TRPM7: variants seen among roughly 807,000 people sequenced by gnomAD.
TRPM7 encodes LTRPC ion channel family member 7.
Under a neutral mutation model 229.7 loss-of-function variants are expected in TRPM7, and 134 were observed. The observed-to-expected ratio is 0.58, with a 90% CI of 0.51 to 0.67. The LOEUF (loss-of-function observed/expected upper bound fraction) is 0.67, where lower values mean the gene tolerates loss of function less well. Among genes scored for constraint, TRPM7 ranks in the 30% least tolerant of loss-of-function variants. The probability of loss-of-function intolerance (pLI) is 0.00; values close to 1 mark genes in which losing one functional copy is unlikely to be tolerated. For synonymous variants in TRPM7, 699 were observed against 715.2 expected, an observed-to-expected ratio of 0.98 and a Z score of 0.36; for missense variants, 1,901 against 2,210.0, an observed-to-expected ratio of 0.86 and a Z score of 2.80.
At chr15:50,655,068 A>G (rs1022955587) in intron 3 of TRPM7, among the ~76,000 whole-genome samples, 21 of 95,070 alleles carry the variant, frequency 2.2e-4, no homozygotes, top group African/African-American at 6.9e-4. Flanking sequence ...GAATGTAGAA[A>G]TAAGAGTGAA....
intron 11 of TRPM7, among the ~76,000 whole-genome samples, chr15:50,626,155 CTTA>C (rs1053523768): frequency 6.6e-6 from 1 of 152,044 alleles, no homozygotes; most frequent in East Asian, 1.9e-4. Context: ...AGGCATCTGA[CTTA>C]TTATGTGTTT....
chr15:50,636,191 T>C (rs1202835371), intron 7 of TRPM7, among the ~76,000 whole-genome samples: 1 of 150,662 alleles, frequency 6.6e-6, no homozygotes, highest in East Asian at 1.9e-4. Context: ...TTCTTAACTT[T>C]TTTTTTTTTT....
chr15:50,573,313 C>A (rs2053977841), intron 36 of TRPM7, among the ~76,000 whole-genome samples: 1 of 152,186 alleles, frequency 6.6e-6, no homozygotes, highest in African/African-American at 2.4e-5. Flanking sequence ...AAGAAGCCAG[C>A]TGCTATGTAA....
intron 1 of TRPM7, among the ~76,000 whole-genome samples, chr15:50,671,574 G>A (rs1288220235): frequency 6.6e-6 from 1 of 152,088 alleles, no homozygotes; most frequent in Non-Finnish European, 1.5e-5. Context: ...CGTGGGAGGA[G>A]GAGATGAGAG....
At chr15:50,643,304 A>G in intron 5 of TRPM7, 36 bp downstream of exon 5, 1 of 1,570,998 alleles carries the variant, frequency 6.4e-7, no homozygotes, top group South Asian at 1.1e-5. Context: ...AAAAATTAAA[A>G]CACACTAAAT....
At chr15:50,572,244 C>A (rs191102553) in intron 36 of TRPM7, among the ~76,000 whole-genome samples, 8 of 152,308 alleles carry the variant, frequency 5.3e-5, no homozygotes, top group Admixed American at 2.0e-4. Flanking sequence ...TGTGATTGAG[C>A]TACTGCACTC....
At position 50,686,767 on chromosome 15, in the gene TRPM7, G is replaced by A. The variant is rs942825103; in HGVS notation, c.-234C>T. 4 of 470,758 alleles carry A rather than the reference G, an allele frequency of 8.5e-6. No homozygotes were observed. Among genetic ancestry groups the A allele is most frequent in the East Asian group, 3.8e-5 (1 of 26,120 alleles). 29.2% of individuals were successfully genotyped at this position (470,758 alleles called of 1,614,324 possible). On this transcript the variant is annotated 5_prime_UTR_variant, in exon 1 of 39. Transcript: ENST00000646667. ...TGACTGGCCACAGGGACGCGCCCGC[G>A]CCCGCCTCCGCCGGCGACGGGGCTG...
In TRPM7 at chr15:50,686,389, G is replaced by A. The variant is rs1018525835; in HGVS notation, c.3+142C>T. Reference sequence around the variant, plus strand: ...ACGAACTGCACACCCGTCCCGAGAGGACAAATCCGGAAGCCTCAAGGCAAT... The same window carrying A: ...ACGAACTGCACACCCGTCCCGAGAGAACAAATCCGGAAGCCTCAAGGCAAT... On this transcript the variant is annotated intron_variant, in intron 1 of 38. Coordinates refer to ENST00000646667, the MANE Select transcript of TRPM7 (RefSeq NM_017672.6). 18 of 1,405,960 alleles carry A rather than the reference G, an allele frequency of 1.3e-5. No homozygotes were observed. The African/African-American group carries it at 1.3e-4, about 10-fold the overall frequency. The allele number at this position is 1,405,960 out of a possible 1,614,324, so 87.1% of individuals were successfully genotyped here. A position where few individuals can be genotyped will look rare whatever the true frequency, so the allele number is the denominator to read the frequency against.
chr15:50,646,810 T>C (rs1015527609), intron 4 of TRPM7, among the ~76,000 whole-genome samples: 8 of 152,356 alleles, frequency 5.3e-5, no homozygotes, highest in African/African-American at 1.9e-4. Context: ...GGTTCCCTAA[T>C]ATTATAATAC....
At chr15:50,643,269 C>G in intron 5 of TRPM7, 71 bp downstream of exon 5, 1 of 1,294,404 alleles carries the variant, frequency 7.7e-7, no homozygotes, top group Admixed American at 1.9e-5. Flanking sequence ...AGCCTGGCAA[C>G]AGAGTGAGAG....
intron 38 of TRPM7, among the ~76,000 whole-genome samples, chr15:50,569,185 T>C (rs1566934846): frequency 6.6e-6 from 1 of 152,102 alleles, no homozygotes; most frequent in Non-Finnish European, 1.5e-5. Context: ...CAGGCATGTG[T>C]CACTGCTCCT....
chr15:50,666,865 G>A (rs2061896346), intron 1 of TRPM7, among the ~76,000 whole-genome samples: 1 of 152,098 alleles, frequency 6.6e-6, no homozygotes, highest in Non-Finnish European at 1.5e-5. Context: ...AAAGATACAA[G>A]GTAATTGAAA....
intron 19 of TRPM7, among the ~76,000 whole-genome samples, chr15:50,609,020 G>C (rs553365389): frequency 1.3e-5 from 2 of 152,292 alleles, no homozygotes; most frequent in East Asian, 3.9e-4. Context: ...TCCTTGTATG[G>C]ACATATGCTC....
chr15:50,662,082 C>T (rs1412542992), intron 2 of TRPM7, among the ~76,000 whole-genome samples: 6 of 152,048 alleles, frequency 3.9e-5, no homozygotes, highest in African/African-American at 7.2e-5. Context: ...GGGCTGGGCG[C>T]GGTGGCTCAC....
chr15:50,624,214 GC>G lies in TRPM7; in HGVS notation c.1391del (p.Ser464ThrfsTer46). The G allele has an allele frequency of 1.2e-6, 2 of 1,612,750 alleles. No individual in the cohort carries two copies. The highest frequency in any genetic ancestry group is 1.7e-6 in the Non-Finnish European group (2 of 1,179,330). Reference sequence around the variant, plus strand: ...TCGGAATGGTAAGGAATTTATGCATGCTTACTCCATTTTCAATAAGAAGTTT... The same window carrying G: ...TCGGAATGGTAAGGAATTTATGCATGTTACTCCATTTTCAATAAGAAGTTT... Reference protein sequence around the residue: ...FVKLLIENGVSMHKFLTIPRL... With the variant: ...FVKLLIENGVXMHKFLTIPRL... On this transcript the variant is annotated frameshift_variant, in exon 12 of 39. Transcript: ENST00000646667. LOFTEE classifies it high-confidence loss of function.
At chr15:50,670,414 AG>A (rs1161894835) in intron 1 of TRPM7, among the ~76,000 whole-genome samples, 2 of 152,134 alleles carry the variant, frequency 1.3e-5, no homozygotes, top group Non-Finnish European at 2.9e-5. Context: ...CTGATAAAAC[AG>A]GTTGCACTAA....
At position 50,593,519 on chromosome 15, in the gene TRPM7, G is replaced by T. The variant is rs1177367362; in HGVS notation, c.3608+98C>A. ...ATGTAAAACTGTAACTATGCTTATT[G>T]TTTGACAAAATAAATTTAACAATGA... On this transcript the variant is annotated intron_variant, in intron 25 of 38. Transcript: ENST00000646667. The T allele has an allele frequency of 6.1e-6, 8 of 1,316,376 alleles. No homozygotes were observed. The South Asian group carries it at 9.1e-5, about 15-fold the overall frequency. The allele number at this position is 1,316,376 out of a possible 1,614,324, so 81.5% of individuals were successfully genotyped here. A position where few individuals can be genotyped will look rare whatever the true frequency, so the allele number is the denominator to read the frequency against.
chr15:50,684,134 C>T (rs1040383434), intron 1 of TRPM7, among the ~76,000 whole-genome samples: 3 of 151,550 alleles, frequency 2.0e-5, no homozygotes, highest in African/African-American at 7.3e-5. Context: ...ATGGGGATTA[C>T]TGCGCCCCAC....
Position 50,564,033 on chromosome 15 carries a change from A to G in TRPM7, c.5468-2225T>C, listed in dbSNP as rs1365944236. Among the ~76,000 whole-genome samples the G allele has an allele frequency of 4.1e-4, 62 of 151,772 alleles. 1 individual carries two copies. Among genetic ancestry groups the G allele is most frequent in the Admixed American group, 4.1e-3 (62 of 15,236 alleles). On this transcript the variant is annotated intron_variant, in intron 38 of 38. Coordinates refer to ENST00000646667, the MANE Select transcript of TRPM7 (RefSeq NM_017672.6). ...GTGACACCACACATGGCCAATTTTT[A>G]TATTTTTAGTAGAGACTGGTTTTTG...
Sources: allele counts gnomAD v4.1 joint callset (sites outside exome capture counted in the v4.1 genomes callset), GRCh38; gene constraint gnomAD v4.1.1; transcripts MANE v1.5; gene names NCBI Gene and HGNC (gene_info 2026-07-23, HGNC 2026-07-21).